Variants in PDGFD observed in about 807,000 individuals in gnomAD.
The protein encoded by PDGFD is platelet derived growth factor D.
A neutral mutation model predicts 44.7 loss-of-function variants in PDGFD; 30 were observed. That is an observed-to-expected ratio of 0.67 (90% CI 0.50 to 0.91). The LOEUF (loss-of-function observed/expected upper bound fraction) is 0.91. PDGFD is among the 40% of genes least tolerant of loss of function. The pLI, the probability that PDGFD is intolerant of heterozygous loss-of-function variation, is 0.00. For synonymous variants in PDGFD, 173 were observed against 168.4 expected (o/e 1.03, Z -0.21); for missense variants, 445 against 457.8 (o/e 0.97, Z 0.25).
At chr11:104,114,533 C>T (rs932617136) in intron 1 of PDGFD, among the ~76,000 whole-genome samples, 1 of 151,962 alleles carries the variant, frequency 6.6e-6, no homozygotes, top group Non-Finnish European at 1.5e-5. Flanking sequence ...AGTGTCAGTC[C>T]TCCAACTTTG....
At chr11:104,047,788 A>G (rs997198098) in intron 1 of PDGFD, among the ~76,000 whole-genome samples, 1 of 151,964 alleles carries the variant, frequency 6.6e-6, no homozygotes, top group African/African-American at 2.4e-5. Flanking sequence ...AGCCAACAAA[A>G]TAGATGTGTT....
At position 103,999,400 on chromosome 11, in the gene PDGFD, G is replaced by C. The variant is rs530038299; in HGVS notation, c.329+651C>G. Among the ~76,000 whole-genome samples the C allele has an allele frequency of 2.8e-4, 43 of 152,294 alleles. No individual in the cohort carries two copies. In the East Asian group the frequency reaches 8.3e-3, roughly 29 times the overall value. ...CGGACATTCAAAGAACAACAGTCCA[G>C]GCTTTCTTTGATAAATATGCTAAGA... is the stretch of plus-strand genomic sequence containing the variant. On this transcript the variant is annotated intron_variant, in intron 2 of 6. Coordinates refer to ENST00000393158, the MANE Select transcript of PDGFD (RefSeq NM_025208.5).
At chr11:103,991,225 T>C (rs1859446871) in intron 3 of PDGFD, among the ~76,000 whole-genome samples, 2 of 152,290 alleles carry the variant, frequency 1.3e-5, no homozygotes, top group South Asian at 4.1e-4. Context: ...TTTTACCAAC[T>C]GGTAAATTTT....
chr11:103,987,707 A>T (rs1859389738), intron 3 of PDGFD, among the ~76,000 whole-genome samples: 1 of 152,226 alleles, frequency 6.6e-6, no homozygotes, highest in Non-Finnish European at 1.5e-5. Context: ...TAGTAGCTAA[A>T]ATAAAGAAAG....
At chr11:103,957,944 G>C (rs543804530) in intron 3 of PDGFD, among the ~76,000 whole-genome samples, 2 of 152,016 alleles carry the variant, frequency 1.3e-5, no homozygotes, top group East Asian at 1.9e-4. Context: ...CATGGTGTTT[G>C]GTAAGTGAAC....
At chr11:104,027,957 G>A (rs1291597258) in intron 1 of PDGFD, among the ~76,000 whole-genome samples, 2 of 151,604 alleles carry the variant, frequency 1.3e-5, no homozygotes, top group Non-Finnish European at 2.9e-5. Context: ...TTGGGAGAAC[G>A]AGGCAGGAGG....
At chr11:104,017,293 C>A (rs1172973626) in intron 1 of PDGFD, among the ~76,000 whole-genome samples, 1 of 152,098 alleles carries the variant, frequency 6.6e-6, no homozygotes, top group African/African-American at 2.4e-5. Flanking sequence ...GCAGCTTGAG[C>A]GGACTAAGGT....
chr11:103,936,830 G>T (rs918355724), intron 5 of PDGFD, among the ~76,000 whole-genome samples: 41 of 143,734 alleles, frequency 2.9e-4, no homozygotes, highest in South Asian at 1.3e-3. Context: ...TTTGTTTTTT[G>T]TTTTTTTTTT....
At chr11:104,095,618 A>C (rs199803871) in intron 1 of PDGFD, among the ~76,000 whole-genome samples, 16 of 57,810 alleles carry the variant, frequency 2.8e-4, no homozygotes, top group Middle Eastern at 0.014. Flanking sequence ...AGGGAAAGGA[A>C]AGAGACTTAT....
chr11:104,068,648 A>G (rs1374840285), intron 1 of PDGFD, among the ~76,000 whole-genome samples: 1 of 152,222 alleles, frequency 6.6e-6, no homozygotes, highest in East Asian at 1.9e-4. Context: ...TTCATTAAAG[A>G]TGTTAATGAG....
chr11:103,987,580 T>C (rs1234740044), intron 3 of PDGFD, among the ~76,000 whole-genome samples: 1 of 152,202 alleles, frequency 6.6e-6, no homozygotes, highest in Non-Finnish European at 1.5e-5. Context: ...TGGCTTTTCA[T>C]TCCACCCAAG....
chr11:104,111,387 A>G (rs933229342), intron 1 of PDGFD, among the ~76,000 whole-genome samples: 1 of 150,780 alleles, frequency 6.6e-6, no homozygotes, highest in Non-Finnish European at 1.5e-5. Flanking sequence ...CTCAGCCTCC[A>G]GAGAAGCTGG....
rs1857984880 is a variant in PDGFD at position 103,908,999 on chromosome 11, A to G, written c.*695T>C. 6.6e-6 allele frequency: 1 copy of G among 152,258 alleles called. No homozygotes were observed. 9.4% of individuals were successfully genotyped at this position (152,258 alleles called of 1,614,324 possible). A position where few individuals can be genotyped will look rare whatever the true frequency, so the allele number is the denominator to read the frequency against. ...AGCATGCCTCAGCAAAATGCATAAA[A>G]AACACAATGATTTAATTTCTAAAGC... On this transcript the variant is annotated 3_prime_UTR_variant, in exon 7 of 7. Transcript: ENST00000393158.
intron 1 of PDGFD, among the ~76,000 whole-genome samples, chr11:104,019,956 T>G (rs1859924699): frequency 6.6e-6 from 1 of 152,132 alleles, no homozygotes; most frequent in African/African-American, 2.4e-5. Context: ...GGGGCTGCGA[T>G]AAGCACCAAA....
chr11:103,951,859 ATGTT>A (rs1329023210), intron 3 of PDGFD, among the ~76,000 whole-genome samples: 1 of 152,144 alleles, frequency 6.6e-6, no homozygotes, highest in African/African-American at 2.4e-5. Context: ...AAATAATTTT[ATGTT>A]TGTTTTATTG....
At chr11:103,988,346 TACTGAA>T in intron 3 of PDGFD, among the ~76,000 whole-genome samples, 1 of 151,770 alleles carries the variant, frequency 6.6e-6, no homozygotes, top group South Asian at 2.1e-4. Context: ...ATAAACAGGA[TACTGAA>T]CTTTCCAAGT....
chr11:103,980,216 T>G (rs1375802242), intron 3 of PDGFD, among the ~76,000 whole-genome samples: 1 of 152,032 alleles, frequency 6.6e-6, no homozygotes, highest in Non-Finnish European at 1.5e-5. Flanking sequence ...AAAAAGAAAA[T>G]GCCAGAAAAT....
chr11:103,933,036 C>T (rs1464669599), intron 5 of PDGFD, among the ~76,000 whole-genome samples: 1 of 152,178 alleles, frequency 6.6e-6, no homozygotes, highest in Admixed American at 6.6e-5. Context: ...CATGGTAGAG[C>T]ATGGTCTTGA....
At position 104,004,314 on chromosome 11, in the gene PDGFD, A is replaced by G. The variant is rs1859666466; in HGVS notation, c.125-4059T>C. ...ATCAAATTGAAAATATTTATTAAAA[A>G]CAGGATGCTTGTGTCTGTGCTGAAC... On this transcript the variant is annotated intron_variant, in intron 1 of 6. Coordinates refer to ENST00000393158, the MANE Select transcript of PDGFD (RefSeq NM_025208.5). 2.6e-5 allele frequency among the ~76,000 whole-genome samples: 4 copies of G among 152,312 alleles called. No individual in the cohort carries two copies. The South Asian group carries it at 8.3e-4, about 32-fold the overall frequency.
Sources: gnomAD v4.1 joint callset for allele counts (sites outside exome capture counted in the v4.1 genomes callset) on GRCh38, gnomAD v4.1.1 for gene constraint, MANE v1.5 for transcripts, NCBI Gene and HGNC (gene_info 2026-07-23, HGNC 2026-07-21) for gene names.